Variants in PLPPR1 observed in about 807,000 individuals in gnomAD.
The protein encoded by PLPPR1 is phospholipid phosphatase related 1.
Under a neutral mutation model 33.1 loss-of-function variants are expected in PLPPR1, and 10 were observed. The observed-to-expected ratio is 0.30, with a 90% CI of 0.19 to 0.51. The LOEUF (loss-of-function observed/expected upper bound fraction) is 0.51, where lower values mean the gene tolerates loss of function less well. Among genes scored for constraint, PLPPR1 ranks in the 20% least tolerant of loss-of-function variants. The pLI is 0.97. For synonymous variants in PLPPR1, 151 were observed against 151.0 expected (o/e 1.00, Z 0.00); for missense variants, 304 against 408.1 (o/e 0.74, Z 2.20).
chr9:101,194,205 A>T (rs1192067856), intron 2 of PLPPR1, among the ~76,000 whole-genome samples: 2 of 152,200 alleles, frequency 1.3e-5, no homozygotes, highest in African/African-American at 2.4e-5. Context: ...AATAAAACAT[A>T]ATTTAATAAT....
intron 2 of PLPPR1, among the ~76,000 whole-genome samples, chr9:101,228,136 T>C (rs1827109274): frequency 6.6e-6 from 1 of 152,156 alleles, no homozygotes; most frequent in Non-Finnish European, 1.5e-5. Context: ...CTAGGATGTT[T>C]GAGATACTTT....
At chr9:101,242,479 G>T (rs1827495625) in intron 2 of PLPPR1, among the ~76,000 whole-genome samples, 1 of 151,830 alleles carries the variant, frequency 6.6e-6, no homozygotes. Context: ...AATTCTTTTT[G>T]ATTTGTGATG....
chr9:101,096,827 G>A (rs1266220023), intron 1 of PLPPR1, among the ~76,000 whole-genome samples: 1 of 152,146 alleles, frequency 6.6e-6, no homozygotes, highest in Non-Finnish European at 1.5e-5. Context: ...CACCTTGAGA[G>A]GCTGACGTGG....
intron 1 of PLPPR1, among the ~76,000 whole-genome samples, chr9:101,182,132 A>T (rs1280013722): frequency 1.3e-5 from 2 of 151,682 alleles, no homozygotes; most frequent in East Asian, 3.9e-4. Flanking sequence ...AAGTAAAATA[A>T]GCTAGGAACA....
intron 4 of PLPPR1, among the ~76,000 whole-genome samples, chr9:101,307,819 C>T (rs1436913523): frequency 6.6e-6 from 1 of 152,198 alleles, no homozygotes; most frequent in Admixed American, 6.5e-5. Context: ...TTGACATTTA[C>T]AAGGGTTAAT....
chr9:101,167,689 A>G (rs970392658), intron 1 of PLPPR1, among the ~76,000 whole-genome samples: 1 of 152,080 alleles, frequency 6.6e-6, no homozygotes, highest in East Asian at 1.9e-4. Flanking sequence ...CTTTAATAAC[A>G]TAACAAATGT....
intron 1 of PLPPR1, among the ~76,000 whole-genome samples, chr9:101,163,176 A>T (rs1426543748): frequency 1.3e-5 from 2 of 152,214 alleles, no homozygotes; most frequent in Non-Finnish European, 2.9e-5. Flanking sequence ...TGTTCTCTAA[A>T]AGCAGTCCCT....
intron 4 of PLPPR1, among the ~76,000 whole-genome samples, chr9:101,288,302 C>G (rs942426348): frequency 6.6e-6 from 1 of 152,140 alleles, no homozygotes; most frequent in Admixed American, 6.5e-5. Flanking sequence ...AAATTTGTCA[C>G]GCTGGAGGAG....
chr9:101,167,141 G>GGGGTGTGTGTGTGTGT (rs1297322438), intron 1 of PLPPR1, among the ~76,000 whole-genome samples: 18 of 39,746 alleles, frequency 4.5e-4, no homozygotes, highest in South Asian at 1.6e-3. Context: ...TATGTCTCTC[G>GGGGTGTGTGTGTGTGT]GTGTGTGTGT....
At chr9:101,196,853 A>G (rs1826405120) in intron 2 of PLPPR1, among the ~76,000 whole-genome samples, 3 of 151,882 alleles carry the variant, frequency 2.0e-5, no homozygotes, top group African/African-American at 7.2e-5. Flanking sequence ...CGACAGAGCA[A>G]GACTCTGTCT....
chr9:101,251,774 T>C (rs1319987555), intron 2 of PLPPR1, among the ~76,000 whole-genome samples: 1 of 152,134 alleles, frequency 6.6e-6, no homozygotes, highest in Non-Finnish European at 1.5e-5. Context: ...CTGGCTCATG[T>C]AGCTGTAAAT....
At chr9:101,091,132 T>A (rs73656140) in intron 1 of PLPPR1, among the ~76,000 whole-genome samples, 36 of 152,212 alleles carry the variant, frequency 2.4e-4, no homozygotes, top group African/African-American at 7.7e-4. Flanking sequence ...CCAAATTCAA[T>A]GTGTTTAGAA....
chr9:101,109,438 C>G (rs928447612), intron 1 of PLPPR1, among the ~76,000 whole-genome samples: 1 of 152,130 alleles, frequency 6.6e-6, no homozygotes, highest in Non-Finnish European at 1.5e-5. Flanking sequence ...CATCTTCTCT[C>G]TTTTGACATT....
At chr9:101,157,016 A>C (rs1831704804) in intron 1 of PLPPR1, among the ~76,000 whole-genome samples, 1 of 152,204 alleles carries the variant, frequency 6.6e-6, no homozygotes, top group East Asian at 1.9e-4. Flanking sequence ...GTATTGAGGA[A>C]GGATTAATGG....
At chr9:101,043,463 G>C (rs1272798163) in intron 1 of PLPPR1, among the ~76,000 whole-genome samples, 4 of 150,632 alleles carry the variant, frequency 2.7e-5, no homozygotes, top group African/African-American at 9.8e-5. Flanking sequence ...ATATACATAT[G>C]TATGTGTATA....
chr9:101,133,394 G>A (rs1831339367), intron 1 of PLPPR1, among the ~76,000 whole-genome samples: 2 of 152,302 alleles, frequency 1.3e-5, no homozygotes, highest in Admixed American at 6.5e-5. Flanking sequence ...ACGCAGGAAA[G>A]TGAACAGGTT....
At chr9:101,268,096 G>A (rs945559117) in intron 2 of PLPPR1, among the ~76,000 whole-genome samples, 4 of 151,972 alleles carry the variant, frequency 2.6e-5, no homozygotes, top group African/African-American at 4.8e-5. Context: ...ACACACCGGG[G>A]CCTGTTGTGG....
intron 6 of PLPPR1, among the ~76,000 whole-genome samples, chr9:101,313,999 CT>C (rs1342866390): frequency 6.6e-6 from 1 of 152,166 alleles, no homozygotes; most frequent in Non-Finnish European, 1.5e-5. Flanking sequence ...CTTTTTATTG[CT>C]GTGTAGTATT....
chr9:101,047,341 G>A (rs893676793), intron 1 of PLPPR1, among the ~76,000 whole-genome samples: 1 of 152,126 alleles, frequency 6.6e-6, no homozygotes, highest in African/African-American at 2.4e-5. Context: ...TCACATCACT[G>A]TTGATCAGAA....
Sources: allele counts gnomAD v4.1 joint callset (sites outside exome capture counted in the v4.1 genomes callset), GRCh38; gene constraint gnomAD v4.1.1; transcripts MANE v1.5; gene names NCBI Gene and HGNC (gene_info 2026-07-23, HGNC 2026-07-21).